The following USP34 variants were observed in gnomAD, a reference collection of about 807,000 sequenced individuals.
The protein encoded by USP34 is ubiquitin carboxyl-terminal hydrolase 34.
In USP34, 70 loss-of-function variants were observed where a neutral mutation model predicts 460.3. The observed-to-expected ratio is 0.15, with a 90% CI of 0.13 to 0.19. USP34 has a LOEUF of 0.19. Ranked by LOEUF, USP34 falls within the 10% of genes least tolerant of loss-of-function variation. The pLI is 1.00. For missense variants in USP34, 3,985 were observed against 4,236.2 expected (o/e 0.94, Z 1.65); for synonymous variants, 1,647 against 1,405.3 (o/e 1.17, Z -3.85).
At chr2:61,295,582 A>AG (rs1234197389) in intron 30 of USP34, among the ~76,000 whole-genome samples, 2 of 152,218 alleles carry the variant, frequency 1.3e-5, no homozygotes, top group African/African-American at 4.8e-5. Context: ...ATTGTGATCT[A>AG]GTTGAGTGGG....
chr2:61,433,652 A>C (rs1230634346), intron 1 of USP34, among the ~76,000 whole-genome samples: 1 of 152,098 alleles, frequency 6.6e-6, no homozygotes, highest in East Asian at 1.9e-4. Context: ...TAAATAAAAT[A>C]AAAAGGAGAA....
chr2:61,347,220 G>A (rs1178068360), intron 15 of USP34, among the ~76,000 whole-genome samples: 1 of 152,094 alleles, frequency 6.6e-6, no homozygotes, highest in Non-Finnish European at 1.5e-5. Context: ...ATTGAAAAGT[G>A]CTATAAGTAT....
intron 20 of USP34, among the ~76,000 whole-genome samples, chr2:61,329,000 C>T (rs1691179485): frequency 6.6e-6 from 1 of 152,004 alleles, no homozygotes; most frequent in South Asian, 2.1e-4. Flanking sequence ...TTTATTTCTG[C>T]TCTTTGTTGA....
chr2:61,447,525 A>T (rs2104048894), intron 1 of USP34, among the ~76,000 whole-genome samples: 1 of 152,278 alleles, frequency 6.6e-6, no homozygotes, highest in South Asian at 2.1e-4. Flanking sequence ...TCACACTTTC[A>T]AACAGATGTT....
intron 5 of USP34, among the ~76,000 whole-genome samples, chr2:61,386,931 C>A (rs1318675491): frequency 1.3e-5 from 2 of 152,082 alleles, no homozygotes; most frequent in Non-Finnish European, 2.9e-5. Context: ...AATATTTCTT[C>A]AACACAACAG....
chr2:61,371,444 TAA>T (rs34779019), intron 8 of USP34, among the ~76,000 whole-genome samples: 8 of 142,624 alleles, frequency 5.6e-5, no homozygotes, highest in Admixed American at 7.0e-5. Context: ...ATTAAAAAGT[TAA>T]AAAAAAAAAA....
chr2:61,386,438 G>A (rs551508956), intron 5 of USP34, among the ~76,000 whole-genome samples: 2 of 152,154 alleles, frequency 1.3e-5, no homozygotes, highest in African/African-American at 4.8e-5. Context: ...AAATATGAAA[G>A]GTAAAGCAAT....
intron 1 of USP34, among the ~76,000 whole-genome samples, chr2:61,468,383 A>G (rs1166058725): frequency 6.6e-6 from 1 of 152,124 alleles, no homozygotes. Flanking sequence ...GGGTTTCTCC[A>G]TGTTAGTCAG....
chr2:61,447,407 T>C (rs958682167), intron 1 of USP34, among the ~76,000 whole-genome samples: 1 of 152,128 alleles, frequency 6.6e-6, no homozygotes, highest in Non-Finnish European at 1.5e-5. Context: ...AAGCTCAAAT[T>C]TTATCACTGG....
chr2:61,306,761 T>A (rs1690419402), intron 27 of USP34, among the ~76,000 whole-genome samples: 1 of 151,998 alleles, frequency 6.6e-6, no homozygotes, highest in African/African-American at 2.4e-5. Context: ...AAAACCACAA[T>A]GAGATACCAT....
intron 57 of USP34, among the ~76,000 whole-genome samples, chr2:61,233,632 C>G (rs1467934924): frequency 6.6e-6 from 1 of 151,902 alleles, no homozygotes; most frequent in Non-Finnish European, 1.5e-5. Context: ...TTGAGACCAG[C>G]TGGGCAACAA....
intron 8 of USP34, among the ~76,000 whole-genome samples, chr2:61,375,459 T>A (rs1692763428): frequency 6.6e-6 from 1 of 152,168 alleles, no homozygotes; most frequent in East Asian, 1.9e-4. Flanking sequence ...TATAATGGCA[T>A]TATTTATATT....
intron 61 of USP34, 102 bp from the exon 62 acceptor site, chr2:61,227,320 T>C: frequency 2.3e-6 from 3 of 1,325,018 alleles, no homozygotes; most frequent in East Asian, 2.5e-5. Context: ...TGGCAGGAGC[T>C]TGTAACATGA....
intron 53 of USP34, among the ~76,000 whole-genome samples, chr2:61,238,381 TCTAA>T (rs1259185246): frequency 2.6e-5 from 4 of 152,194 alleles, no homozygotes; most frequent in Admixed American, 2.0e-4. Context: ...TTACCTCTTC[TCTAA>T]CTCTCAAGTT....
At chr2:61,344,811 G>A (rs1691714804) in intron 15 of USP34, among the ~76,000 whole-genome samples, 1 of 152,156 alleles carries the variant, frequency 6.6e-6, no homozygotes, top group Non-Finnish European at 1.5e-5. Context: ...CCAATCAGGG[G>A]TGAATTTAGG....
At chr2:61,195,292 G>A (rs1686765494) in intron 75 of USP34, among the ~76,000 whole-genome samples, 1 of 151,160 alleles carries the variant, frequency 6.6e-6, no homozygotes, top group Non-Finnish European at 1.5e-5. Flanking sequence ...TCATCCTCTT[G>A]CATTGGCCTT....
At chr2:61,246,871 T>TG (rs1199982689) in intron 49 of USP34, among the ~76,000 whole-genome samples, 1 of 152,152 alleles carries the variant, frequency 6.6e-6, no homozygotes, top group East Asian at 1.9e-4. Flanking sequence ...TAATATAAAA[T>TG]GCTCCATTCT....
intron 1 of USP34, among the ~76,000 whole-genome samples, chr2:61,451,326 T>A (rs1437963609): frequency 6.7e-6 from 1 of 149,508 alleles, no homozygotes; most frequent in African/African-American, 2.5e-5. Flanking sequence ...AAATTAAAAC[T>A]AGATGATGAA....
At chr2:61,198,961 G>A (rs1215399124) in intron 75 of USP34, among the ~76,000 whole-genome samples, 1 of 152,116 alleles carries the variant, frequency 6.6e-6, no homozygotes, top group Non-Finnish European at 1.5e-5. Context: ...GTCCTTTGCT[G>A]ATTTTACTTA....
Sources: gnomAD v4.1 joint callset for allele counts (sites outside exome capture counted in the v4.1 genomes callset) on GRCh38, gnomAD v4.1.1 for gene constraint, MANE v1.5 for transcripts, NCBI Gene and HGNC (gene_info 2026-07-23, HGNC 2026-07-21) for gene names.